MARK3: variants seen among roughly 807,000 people sequenced by gnomAD.
MARK3 encodes MAP/microtubule affinity-regulating kinase 3.
A neutral mutation model predicts 90.1 loss-of-function variants in MARK3; 46 were observed. The observed-to-expected ratio is 0.51, with a 90% CI of 0.40 to 0.65. The LOEUF (loss-of-function observed/expected upper bound fraction) is 0.65, where lower values mean the gene tolerates loss of function less well. MARK3 is among the 30% of genes least tolerant of loss of function. The probability of loss-of-function intolerance (pLI) is 0.00; values close to 1 mark genes in which losing one functional copy is unlikely to be tolerated. For synonymous variants in MARK3, 321 were observed against 332.6 expected (o/e 0.97, Z 0.38); for missense variants, 818 against 947.2 (o/e 0.86, Z 1.79).
At chr14:103,499,409 A>G (rs924156692) in intron 16 of MARK3, 2 of 152,230 alleles carry the variant, frequency 1.3e-5, no homozygotes, top group African/African-American at 4.8e-5. Flanking sequence ...GCAGTGAGCC[A>G]TGATCATGCC....
intron 6 of MARK3, among the ~76,000 whole-genome samples, chr14:103,457,733 C>T (rs2093306155): frequency 6.6e-6 from 1 of 152,118 alleles, no homozygotes; most frequent in African/African-American, 2.4e-5. Flanking sequence ...ATAATAATTA[C>T]TGTTATCTAT....
At chr14:103,456,645 G>A (rs1469939486) in intron 5 of MARK3, among the ~76,000 whole-genome samples, 1 of 152,096 alleles carries the variant, frequency 6.6e-6, no homozygotes, top group Admixed American at 6.5e-5. Context: ...CCCCCAACTA[G>A]AATGTAAACT....
At chr14:103,427,228 T>C (rs917519424) in intron 2 of MARK3, among the ~76,000 whole-genome samples, 4 of 151,476 alleles carry the variant, frequency 2.6e-5, no homozygotes, top group Non-Finnish European at 4.4e-5. Context: ...GGCCAGGCGC[T>C]GTGGCTCACA....
At chr14:103,420,431 A>C (rs1039318402) in intron 2 of MARK3, among the ~76,000 whole-genome samples, 4 of 151,972 alleles carry the variant, frequency 2.6e-5, no homozygotes, top group Admixed American at 2.6e-4. Context: ...AAGCATCCCC[A>C]TGTTGCTCAG....
intron 2 of MARK3, among the ~76,000 whole-genome samples, chr14:103,411,779 C>T (rs763981767): frequency 9.9e-5 from 15 of 151,952 alleles, no homozygotes; most frequent in Admixed American, 2.0e-4. Flanking sequence ...TGTGCCACCA[C>T]GCCCAGCTAA....
chr14:103,499,647 A>G (rs1302798217), intron 16 of MARK3: 1 of 152,668 alleles, frequency 6.6e-6, no homozygotes, highest in African/African-American at 2.4e-5. Flanking sequence ...GTTCCATTCT[A>G]TTATTATTTT....
chr14:103,476,785 C>T (rs2093722402), intron 13 of MARK3, among the ~76,000 whole-genome samples: 1 of 152,074 alleles, frequency 6.6e-6, no homozygotes, highest in African/African-American at 2.4e-5. Context: ...CATGAAGGAC[C>T]CCAAGGGGCT....
intron 1 of MARK3, among the ~76,000 whole-genome samples, chr14:103,394,366 C>T (rs1283792152): frequency 6.6e-6 from 1 of 152,112 alleles, no homozygotes; most frequent in Non-Finnish European, 1.5e-5. Flanking sequence ...TTTGTACTCA[C>T]CCGTCTGCAC....
At chr14:103,420,721 G>A (rs1047473873) in intron 2 of MARK3, among the ~76,000 whole-genome samples, 2 of 151,944 alleles carry the variant, frequency 1.3e-5, no homozygotes, top group Admixed American at 1.3e-4. Flanking sequence ...TTACCTGTTC[G>A]AAAAAATTTA....
Position 103,419,052 on chromosome 14 carries a change from G to T in MARK3, c.244-9335G>T, listed in dbSNP as rs1005435537. Among the ~76,000 whole-genome samples the T allele has an allele frequency of 4.6e-5, 7 of 152,272 alleles. No individual in the cohort carries two copies. The East Asian group carries it at 1.3e-3, about 29-fold the overall frequency. ...GCCTGTAATCCCAGCACTTTGGGAGGCTGAGGCGGGCGGATCACGAGGTCA... is the reference window on the plus strand; with the variant it reads ...GCCTGTAATCCCAGCACTTTGGGAGTCTGAGGCGGGCGGATCACGAGGTCA... On this transcript the variant is annotated intron_variant, in intron 2 of 17. Coordinates refer to ENST00000429436, the MANE Select transcript of MARK3 (RefSeq NM_001128918.3).
chr14:103,426,071 A>C (rs755953505), intron 2 of MARK3, among the ~76,000 whole-genome samples: 1 of 152,222 alleles, frequency 6.6e-6, no homozygotes, highest in Non-Finnish European at 1.5e-5. Context: ...TGCCGAGTCA[A>C]AACTATTTTT....
rs569543948 is a variant in MARK3, at chr14:103,432,911, T to A, written c.297+4471T>A. ...GTATTGGTCCTTTCAGAATTCCTTT[T>A]TTTTGTAAGGCAGGGACAGGGAAAC... On this transcript the variant is annotated intron_variant, in intron 3 of 17. Coordinates refer to ENST00000429436, the MANE Select transcript of MARK3 (RefSeq NM_001128918.3). Among the ~76,000 whole-genome samples the A allele has an allele frequency of 7.2e-5, 11 of 152,172 alleles. No individual in the cohort carries two copies. The East Asian group carries it at 1.7e-3, about 24-fold the overall frequency.
chr14:103,482,812 G>T (rs952817419), intron 14 of MARK3, among the ~76,000 whole-genome samples: 1 of 152,000 alleles, frequency 6.6e-6, no homozygotes, highest in Admixed American at 6.6e-5. Flanking sequence ...TTTCCTTTCT[G>T]CATTCCCCCT....
chr14:103,499,255 T>A (rs1462722396), intron 16 of MARK3: 2 of 152,122 alleles, frequency 1.3e-5, no homozygotes, highest in African/African-American at 4.8e-5. Flanking sequence ...GCCCAGGAGT[T>A]CAAGACCATC....
At chr14:103,466,289 C>T (rs1020028148) in intron 9 of MARK3, 54 bp from the exon 10 acceptor site, 29 of 1,363,994 alleles carry the variant, frequency 2.1e-5, no homozygotes, top group Non-Finnish European at 2.5e-5. Context: ...GTAAATATTA[C>T]GGTTATCAGA....
chr14:103,390,124 T>C (rs1348549308), intron 1 of MARK3, among the ~76,000 whole-genome samples: 2 of 151,898 alleles, frequency 1.3e-5, no homozygotes, highest in East Asian at 1.9e-4. Flanking sequence ...GGCAGGTGCC[T>C]GTAGTCCCAG....
At chr14:103,441,346 A>T (rs1340930241) in intron 3 of MARK3, 1 of 152,134 alleles carries the variant, frequency 6.6e-6, no homozygotes, top group South Asian at 2.1e-4. Flanking sequence ...GTGCAGTGGC[A>T]CGATCTCGGC....
rs959282522 is a variant in MARK3 at position 103,445,232 on chromosome 14, G to A, written c.298-3687G>A. On this transcript the variant is annotated intron_variant, in intron 3 of 17. Coordinates refer to ENST00000429436, the MANE Select transcript of MARK3 (RefSeq NM_001128918.3). ...TAACCTGTCTCAGTCGTCTGTCTCT[G>A]TATACTGGAGATGATCATACTCAGC... Among the ~76,000 whole-genome samples, 4 of 152,118 alleles carry A rather than the reference G, an allele frequency of 2.6e-5. No homozygotes were observed. The South Asian group carries it at 8.3e-4, about 32-fold the overall frequency.
At chr14:103,498,580 C>T in intron 16 of MARK3, 52 bp downstream of exon 16, 1 of 1,309,356 alleles carries the variant, frequency 7.6e-7, no homozygotes, top group Non-Finnish European at 9.8e-7. Flanking sequence ...CCAAATGGCT[C>T]CTGCAATTAA....
Sources: allele counts gnomAD v4.1 joint callset (sites outside exome capture counted in the v4.1 genomes callset), GRCh38; gene constraint gnomAD v4.1.1; transcripts MANE v1.5; gene names NCBI Gene and HGNC (gene_info 2026-07-23, HGNC 2026-07-21).